Variants in UNC79 observed in about 807,000 individuals in gnomAD.
The protein encoded by UNC79 is protein unc-79 homolog.
UNC79 carries 37 observed loss-of-function variants against 283.1 expected under a neutral mutation model. That is an observed-to-expected ratio of 0.13 (90% CI 0.10 to 0.17). UNC79 has a LOEUF of 0.17. Ranked by LOEUF, UNC79 falls within the 10% of genes least tolerant of loss-of-function variation. The pLI, the probability that UNC79 is intolerant of heterozygous loss-of-function variation, is 1.00. For missense variants in UNC79, 2,272 were observed against 3,211.1 expected, an observed-to-expected ratio of 0.71 and a Z score of 7.07; for synonymous variants, 1,107 against 1,200.2, an observed-to-expected ratio of 0.92 and a Z score of 1.61.
intron 48 of UNC79, among the ~76,000 whole-genome samples, chr14:93,706,437 A>G (rs2075884276): frequency 6.6e-6 from 1 of 152,158 alleles, no homozygotes; most frequent in African/African-American, 2.4e-5. Context: ...TTAGCCCAGC[A>G]CTGGTGTGGC....
intron 32 of UNC79, among the ~76,000 whole-genome samples, chr14:93,639,031 T>A (rs941549129): frequency 6.6e-6 from 1 of 152,192 alleles, no homozygotes; most frequent in African/African-American, 2.4e-5. Flanking sequence ...TTCACAATGC[T>A]ATTGTCAAAA....
In UNC79 at chr14:93,546,343, G is replaced by T. The variant is rs999057986; in HGVS notation, c.1755+3647G>T. On this transcript the variant is annotated intron_variant, in intron 14 of 48. Transcript: ENST00000555664. ...GCAGTTTAAATGCTAAAGGCAAGAG[G>T]GGGGTTGGCTAGATCCGATCTCCTC... Among the ~76,000 whole-genome samples, 18 of 152,268 alleles carry T rather than the reference G, an allele frequency of 1.2e-4. No individual in the cohort carries two copies. The South Asian group carries it at 1.9e-3, about 16-fold the overall frequency.
At chr14:93,591,026 AC>A (rs1286300219) in intron 22 of UNC79, among the ~76,000 whole-genome samples, 1 of 152,210 alleles carries the variant, frequency 6.6e-6, no homozygotes, top group Non-Finnish European at 1.5e-5. Context: ...CACTGGGAGG[AC>A]ACAAAGGTTT....
chr14:93,523,949 G>A, intron 7 of UNC79, 29 bp from the exon 8 acceptor site: 1 of 1,607,854 alleles, frequency 6.2e-7, no homozygotes, highest in Non-Finnish European at 8.5e-7. Flanking sequence ...TCAATGAGAA[G>A]TATTCATCAG....
intron 7 of UNC79, among the ~76,000 whole-genome samples, chr14:93,512,269 A>G (rs1228802270): frequency 1.3e-5 from 2 of 152,118 alleles, no homozygotes; most frequent in African/African-American, 4.8e-5. Flanking sequence ...TTGTAATTGT[A>G]CCTCTGAATG....
At chr14:93,698,480 T>TTG (rs1321855860) in intron 47 of UNC79, among the ~76,000 whole-genome samples, 29 of 96,284 alleles carry the variant, frequency 3.0e-4, no homozygotes, top group African/African-American at 1.5e-3. Context: ...GTTTAGGTTT[T>TTG]TTTTTTTTTT....
At chr14:93,583,994 A>G (rs2064024783) in intron 20 of UNC79, among the ~76,000 whole-genome samples, 3 of 151,738 alleles carry the variant, frequency 2.0e-5, no homozygotes, top group Non-Finnish European at 4.4e-5. Flanking sequence ...TTTTGTAGAG[A>G]TGGGTTTTCG....
intron 40 of UNC79, among the ~76,000 whole-genome samples, chr14:93,671,074 G>A (rs1225295873): frequency 1.3e-5 from 2 of 152,150 alleles, no homozygotes; most frequent in African/African-American, 2.4e-5. Context: ...ATTAATTTTG[G>A]TGTATTCATA....
chr14:93,617,809 G>A lies in UNC79; in HGVS notation c.4225-383G>A, dbSNP rs896031102. ...GTAATCCCAGCACTTATGGGAGGCC[G>A]AGGTGGGTAGGTTGCCTGACTCCGG... is the stretch of plus-strand genomic sequence containing the variant. On this transcript the variant is annotated intron_variant, in intron 28 of 48. Transcript: ENST00000555664. The surrounding 1 kb of genome is among the most constrained non-coding windows in gnomAD (Gnocchi z 4.5). 1.2e-4 allele frequency among the ~76,000 whole-genome samples: 19 copies of A among 152,076 alleles called. No individual in the cohort carries two copies. The highest frequency in any genetic ancestry group is 4.3e-4 in the African/African-American group (18 of 41,408).
At chr14:93,391,241 A>G (rs2054875680) in intron 1 of UNC79, among the ~76,000 whole-genome samples, 1 of 152,184 alleles carries the variant, frequency 6.6e-6, no homozygotes, top group Admixed American at 6.5e-5. Flanking sequence ...ACAAGTGGAT[A>G]TACATATGAT....
intron 15 of UNC79, 97 bp from the exon 16 acceptor site, chr14:93,572,596 G>T: frequency 1.3e-6 from 2 of 1,534,036 alleles, no homozygotes; most frequent in Non-Finnish European, 1.8e-6. Context: ...AAAAGGCTTG[G>T]CTCTCCAAAT....
intron 8 of UNC79, 77 bp downstream of exon 8, chr14:93,524,119 C>A: frequency 6.7e-7 from 1 of 1,500,082 alleles, no homozygotes; most frequent in Non-Finnish European, 9.3e-7. Flanking sequence ...TAGATTGCAT[C>A]CTTCTCTGTA....
At chr14:93,660,553 ATATATATATATGTGTG>A (rs1377231295) in intron 39 of UNC79, among the ~76,000 whole-genome samples, 5 of 105,386 alleles carry the variant, frequency 4.7e-5, no homozygotes, top group African/African-American at 2.2e-4. Context: ...ATATATATAT[ATATATATATATGTGTG>A]TGTGTGTGTG....
chr14:93,510,207 C>G (rs2059753922), intron 7 of UNC79, among the ~76,000 whole-genome samples: 1 of 152,310 alleles, frequency 6.6e-6, no homozygotes, highest in Non-Finnish European at 1.5e-5. Context: ...CCCATGAAAC[C>G]ATTCTTCCCT....
chr14:93,446,699 G>C (rs2056471190), intron 1 of UNC79, among the ~76,000 whole-genome samples: 1 of 152,004 alleles, frequency 6.6e-6, no homozygotes, highest in Non-Finnish European at 1.5e-5. Context: ...CAGCCTAGAA[G>C]TGTGTTGTTT....
At chr14:93,552,122 A>G (rs1204942279) in intron 14 of UNC79, among the ~76,000 whole-genome samples, 1 of 152,280 alleles carries the variant, frequency 6.6e-6, no homozygotes, top group Non-Finnish European at 1.5e-5. Context: ...AGTGATAATT[A>G]ATAAAATGCC....
At position 93,586,682 on chromosome 14, in the gene UNC79, T is replaced by C; in HGVS notation, c.2883+7T>C. On this transcript the variant is annotated splice_region_variant and intron_variant, in intron 21 of 48. Transcript: ENST00000555664. ...AATATATACCATTTTCCAGGTATAT[T>C]TTCTGATGTCTTTGAATACTTGGCT... is the stretch of plus-strand genomic sequence containing the variant. 6.2e-7 allele frequency: 1 copy of C among 1,613,438 alleles called. No homozygotes were observed. The highest frequency in any genetic ancestry group is 8.5e-7 in the Non-Finnish European group (1 of 1,179,830).
intron 41 of UNC79, among the ~76,000 whole-genome samples, chr14:93,681,318 C>T (rs1366503109): frequency 6.6e-6 from 1 of 152,240 alleles, no homozygotes; most frequent in Non-Finnish European, 1.5e-5. Flanking sequence ...CACACTTGAA[C>T]ACCAGCTCTT....
rs752471849 is a variant in UNC79, at chr14:93,621,617, T to C, written c.4388-4T>C. On this transcript the variant is annotated splice_polypyrimidine_tract_variant and splice_region_variant and intron_variant, in intron 29 of 48. Transcript: ENST00000555664. This position sits in a 1 kb window ranked among gnomAD's most constrained non-coding sequence, Gnocchi z 4.8. ...ATAGTACTAGCTTTTTCTGTTTTGA[T>C]CAGGTGAAATAGAACTGGCTGAATA... 44 of 1,534,820 alleles carry C rather than the reference T, an allele frequency of 2.9e-5. No individual in the cohort carries two copies. The highest frequency in any genetic ancestry group is 3.3e-5 in the Non-Finnish European group (38 of 1,145,100).
Sources: allele counts gnomAD v4.1 joint callset (sites outside exome capture counted in the v4.1 genomes callset), GRCh38; gene constraint gnomAD v4.1.1; non-coding constraint Gnocchi (gnomAD v3.1); transcripts MANE v1.5; gene names NCBI Gene and HGNC (gene_info 2026-07-23, HGNC 2026-07-21).